Variants in CRTC3 observed in about 807,000 individuals in gnomAD.
CRTC3 encodes the protein CREB-regulated transcription coactivator 3.
A neutral mutation model predicts 74.5 loss-of-function variants in CRTC3; 26 were observed. That is an observed-to-expected ratio of 0.35 (90% CI 0.26 to 0.48). The LOEUF is 0.48. CRTC3 is among the 20% of genes least tolerant of loss of function. The probability of loss-of-function intolerance (pLI) is 0.99; values close to 1 mark genes in which losing one functional copy is unlikely to be tolerated. For missense variants in CRTC3, 760 were observed against 787.3 expected, an observed-to-expected ratio of 0.97 and a Z score of 0.41; for synonymous variants, 377 against 325.8, an observed-to-expected ratio of 1.16 and a Z score of -1.69.
At chr15:90,620,120 C>T (rs900268749) in intron 9 of CRTC3, 5 of 291,826 alleles carry the variant, frequency 1.7e-5, no homozygotes, top group African/African-American at 4.5e-5. Flanking sequence ...CTACCAGCCC[C>T]GAGCTGTGGC....
intron 6 of CRTC3, 31 bp from the exon 7 acceptor site, chr15:90,614,421 GT>G (rs765577607): frequency 5.8e-6 from 9 of 1,543,910 alleles, no homozygotes; most frequent in African/African-American, 4.1e-5. Context: ...ACATAAAAGT[GT>G]TTTCTTTTTT....
intron 2 of CRTC3, among the ~76,000 whole-genome samples, chr15:90,571,666 C>T (rs565606084): frequency 6.6e-6 from 1 of 152,250 alleles, no homozygotes; most frequent in African/African-American, 2.4e-5. Context: ...AATATGGAAG[C>T]ATGAAACATG....
Position 90,642,114 on chromosome 15 carries a change from G to C in CRTC3, c.1834G>C (p.Glu612Gln), listed in dbSNP as rs953990859. The C allele has an allele frequency of 6.2e-7, 1 of 1,614,058 alleles. No individual in the cohort carries two copies. The highest frequency in any genetic ancestry group is 8.5e-7 in the Non-Finnish European group (1 of 1,180,026). Reference sequence around the variant, plus strand: ...GGGCCTGCTGGACCCCTCTGTTGAAGAGACGTTTCGAGCTGACAGACTGTG... The same window carrying C: ...GGGCCTGCTGGACCCCTCTGTTGAACAGACGTTTCGAGCTGACAGACTGTG... ...SMGLLDPSVE[E>Q]TFRADRL Residue 612 changes from glutamate (E) to glutamine (Q), a missense_variant, in exon 15 of 15, where the codon GAG (glutamate) becomes CAG (glutamine). By Grantham distance (29) the Glu-to-Gln change is conservative. Coordinates refer to ENST00000268184, the MANE Select transcript of CRTC3 (RefSeq NM_022769.5).
intron 6 of CRTC3, among the ~76,000 whole-genome samples, chr15:90,610,421 C>T (rs747502540): frequency 1.2e-4 from 18 of 152,138 alleles, no homozygotes; most frequent in Non-Finnish European, 2.2e-4. Flanking sequence ...CATCTGCTCA[C>T]GGCTTAACTA....
intron 10 of CRTC3, 51 bp from the exon 11 acceptor site, chr15:90,629,183 A>G: frequency 6.4e-7 from 1 of 1,552,222 alleles, no homozygotes; most frequent in Non-Finnish European, 8.8e-7. Context: ...TTTGGAATAC[A>G]AAAGATTTGG....
intron 2 of CRTC3, among the ~76,000 whole-genome samples, chr15:90,543,706 A>AT (rs1004014834): frequency 1.5e-4 from 23 of 152,118 alleles, no homozygotes; most frequent in East Asian, 7.7e-4. Context: ...CAGAGCACAG[A>AT]TTTTTTTTAA....
chr15:90,540,311 A>G (rs970546856), intron 2 of CRTC3, among the ~76,000 whole-genome samples, 174 bp downstream of exon 2: 5 of 152,232 alleles, frequency 3.3e-5, no homozygotes, highest in African/African-American at 1.2e-4. Context: ...CGATAGTGTT[A>G]TTTCACAAAT....
In CRTC3 at chr15:90,607,373, CT is replaced by C; in HGVS notation, c.477-3del. ...TTCAGCCAGCCTCTCTCCTCCCCTC[CT>C]TAGGACCAATTCTGATTCTGCTCTT... On this transcript the variant is annotated splice_polypyrimidine_tract_variant and splice_region_variant and intron_variant, in intron 5 of 14. Coordinates refer to ENST00000268184, the MANE Select transcript of CRTC3 (RefSeq NM_022769.5). The C allele has an allele frequency of 6.2e-7, 1 of 1,601,294 alleles. No individual in the cohort carries two copies. Among genetic ancestry groups the C allele is most frequent in the Non-Finnish European group, 8.5e-7 (1 of 1,170,076 alleles).
At chr15:90,567,078 C>T (rs919422352) in intron 2 of CRTC3, among the ~76,000 whole-genome samples, 1 of 152,074 alleles carries the variant, frequency 6.6e-6, no homozygotes, top group Non-Finnish European at 1.5e-5. Flanking sequence ...TAATTCCTGG[C>T]TTCAAAGCTC....
rs766839760 is a variant in CRTC3 at position 90,641,167 on chromosome 15, A to G, written c.1619A>G (p.Asn540Ser). 6.2e-7 allele frequency: 1 copy of G among 1,613,878 alleles called. No homozygotes were observed. The highest frequency in any genetic ancestry group is 1.7e-5 in the Admixed American group (1 of 59,998). The change falls in exon 14 of 15, where the codon AAC (asparagine) becomes AGC (serine). Residue 540 changes from asparagine to serine, a missense_variant. By Grantham distance (46) the Asn-to-Ser change is conservative (BLOSUM62 1). Transcript: ENST00000268184. ...CATTTGAGACCAAGCCCGTATTCCA[A>G]CTGCGGGAGTCTCCCGAACACCATC... ...SFHLRPSPYS[N>S]CGSLPNTILP...
At chr15:90,571,735 G>A (rs1967271188) in intron 2 of CRTC3, among the ~76,000 whole-genome samples, 1 of 152,026 alleles carries the variant, frequency 6.6e-6, no homozygotes, top group South Asian at 2.1e-4. Context: ...AATCCCCATG[G>A]TACCTATTGC....
At chr15:90,579,634 CTT>C (rs146273285) in intron 2 of CRTC3, among the ~76,000 whole-genome samples, 9 of 84,194 alleles carry the variant, frequency 1.1e-4, no homozygotes, top group Admixed American at 3.4e-4. Context: ...ACGTATTTCA[CTT>C]TTTTTTTTTT....
chr15:90,552,642 T>C (rs1479764490), intron 2 of CRTC3, among the ~76,000 whole-genome samples: 1 of 152,214 alleles, frequency 6.6e-6, no homozygotes, highest in Non-Finnish European at 1.5e-5. Context: ...TAATCTATGA[T>C]TTGGGCATTT....
intron 11 of CRTC3, among the ~76,000 whole-genome samples, chr15:90,637,485 A>T (rs1046141833): frequency 3.3e-5 from 5 of 152,182 alleles, no homozygotes; most frequent in Non-Finnish European, 7.3e-5. Context: ...GCACACCAAC[A>T]TGGCACGTGT....
intron 10 of CRTC3, among the ~76,000 whole-genome samples, chr15:90,627,565 A>G (rs1567191822): frequency 6.6e-6 from 1 of 152,018 alleles, no homozygotes; most frequent in Non-Finnish European, 1.5e-5. Flanking sequence ...TTGTCTTCTC[A>G]AAAAAGCACT....
chr15:90,567,544 C>T (rs776035303), intron 2 of CRTC3, among the ~76,000 whole-genome samples: 7 of 151,856 alleles, frequency 4.6e-5, no homozygotes, highest in African/African-American at 7.3e-5. Context: ...AAAAATTAGC[C>T]GGGCATGGTG....
chr15:90,644,570 T>G lies in CRTC3; in HGVS notation c.*2430T>G. On this transcript the variant is annotated 3_prime_UTR_variant, in exon 15 of 15. Coordinates refer to ENST00000268184, the MANE Select transcript of CRTC3 (RefSeq NM_022769.5). ...ACAGACCTCCGGGGAAGTGATTTAT[T>G]GGGGGTGTACACTGGGGGCAATATG... The G allele has an allele frequency of 4.3e-6, 1 of 232,774 alleles. No individual in the cohort carries two copies. The highest frequency in any genetic ancestry group is 2.2e-5 in the African/African-American group (1 of 45,408). 14.4% of individuals were successfully genotyped at this position (232,774 alleles called of 1,614,324 possible). A position where few individuals can be genotyped will look rare whatever the true frequency, so the allele number is the denominator to read the frequency against.
intron 2 of CRTC3, among the ~76,000 whole-genome samples, chr15:90,551,972 G>A (rs1966859454): frequency 2.5e-5 from 1 of 39,858 alleles, no homozygotes. Flanking sequence ...ACACACAAAT[G>A]TCTTCTAAAG....
At chr15:90,553,046 G>A (rs1424635543) in intron 2 of CRTC3, among the ~76,000 whole-genome samples, 4 of 152,016 alleles carry the variant, frequency 2.6e-5, no homozygotes, top group Admixed American at 1.3e-4. Context: ...AGTGACCTTG[G>A]GCTTCTGCAT....
Sources: allele counts gnomAD v4.1 joint callset (sites outside exome capture counted in the v4.1 genomes callset), GRCh38; gene constraint gnomAD v4.1.1; transcripts MANE v1.5; gene names NCBI Gene and HGNC (gene_info 2026-07-23, HGNC 2026-07-21).